ME3: variants seen among roughly 807,000 people sequenced by gnomAD.
ME3 encodes the protein malic enzyme 3, also known as NADP-dependent malic enzyme, mitochondrial.
Under a neutral mutation model 68.9 loss-of-function variants are expected in ME3, and 48 were observed. The ratio of observed to expected loss-of-function variants is 0.70; its 90% CI spans 0.55 to 0.89. The LOEUF (loss-of-function observed/expected upper bound fraction) is 0.89, where lower values mean the gene tolerates loss of function less well. Among genes scored for constraint, ME3 ranks in the 40% least tolerant of loss-of-function variants. The pLI, the probability that ME3 is intolerant of heterozygous loss-of-function variation, is 0.00. For synonymous variants in ME3, 320 were observed against 318.8 expected (o/e 1.00, Z -0.04); for missense variants, 675 against 797.4 (o/e 0.85, Z 1.85).
At chr11:86,548,197 A>C (rs1302717388) in intron 4 of ME3, among the ~76,000 whole-genome samples, 1 of 152,198 alleles carries the variant, frequency 6.6e-6, no homozygotes, top group African/African-American at 2.4e-5. Context: ...TTCAGATGCA[A>C]ATCTCAAAGC....
chr11:86,480,721 C>T (rs1951353681), intron 7 of ME3, among the ~76,000 whole-genome samples: 1 of 152,114 alleles, frequency 6.6e-6, no homozygotes, highest in South Asian at 2.1e-4. Context: ...GCAATTATTC[C>T]CCGCATGAAA....
chr11:86,478,098 G>A (rs1951185045), intron 7 of ME3, among the ~76,000 whole-genome samples: 1 of 151,986 alleles, frequency 6.6e-6, no homozygotes, highest in South Asian at 2.1e-4. Context: ...CTAGCCTGGT[G>A]TGGACTTTTG....
chr11:86,438,829 G>A (rs1948911438), downstream of ME3, among the ~76,000 whole-genome samples: 1 of 152,052 alleles, frequency 6.6e-6, no homozygotes, highest in Non-Finnish European at 1.5e-5. Context: ...CAGAGAAACA[G>A]AACCAATAAG....
chr11:86,636,093 G>C (rs75618949), intron 2 of ME3, among the ~76,000 whole-genome samples: 10,790 of 152,198 alleles, frequency 0.071, 403 homozygotes, highest in Non-Finnish European at 0.088. Flanking sequence ...AAACCTGGGT[G>C]CTATGGAAGC....
intron 2 of ME3, among the ~76,000 whole-genome samples, chr11:86,659,132 C>T (rs1946112526): frequency 1.3e-5 from 2 of 152,212 alleles, no homozygotes; most frequent in Admixed American, 1.3e-4. Flanking sequence ...AGGGTGGCAA[C>T]TGGGAACTCA....
chr11:86,614,002 T>A (rs1942781599), intron 2 of ME3, among the ~76,000 whole-genome samples: 1 of 152,178 alleles, frequency 6.6e-6, no homozygotes, highest in South Asian at 2.1e-4. Context: ...ACAGAGAGCC[T>A]GTATAGTCAA....
At chr11:86,592,704 C>A (rs1435180764) in intron 2 of ME3, among the ~76,000 whole-genome samples, 1 of 152,156 alleles carries the variant, frequency 6.6e-6, no homozygotes. Flanking sequence ...AGCATTTTAC[C>A]CAATTCCCAC....
chr11:86,488,041 A>G (rs995770991), intron 6 of ME3, among the ~76,000 whole-genome samples: 3 of 152,188 alleles, frequency 2.0e-5, no homozygotes, highest in Admixed American at 2.0e-4. Flanking sequence ...TTAGCTGGGC[A>G]TGGTGGTGTA....
At chr11:86,517,341 G>A (rs1364276565) in intron 4 of ME3, among the ~76,000 whole-genome samples, 1 of 152,208 alleles carries the variant, frequency 6.6e-6, no homozygotes, top group Non-Finnish European at 1.5e-5. Flanking sequence ...TGCATCCAGT[G>A]TGAGGGTGAC....
chr11:86,560,760 A>ATATATATATATATATATATATATT (rs1957187792), intron 2 of ME3, among the ~76,000 whole-genome samples: 1 of 138,862 alleles, frequency 7.2e-6, no homozygotes, highest in Non-Finnish European at 1.5e-5. Flanking sequence ...ATATATATAT[A>ATATATATATATATATATATATATT]TATATATATA....
intron 2 of ME3, among the ~76,000 whole-genome samples, chr11:86,661,853 TATTGTATTGTATTG>T (rs1326436883): frequency 1.3e-4 from 9 of 71,436 alleles, no homozygotes; most frequent in African/African-American, 5.1e-4. Flanking sequence ...TATTGTATTG[TATTGTATTGTATTG>T]TATTGTATTG....
intron 2 of ME3, among the ~76,000 whole-genome samples, chr11:86,604,152 T>C (rs637693): frequency 0.89 from 135,807 of 151,796 alleles, 61,194 homozygotes; most frequent in Non-Finnish European, 0.95. Flanking sequence ...GTCTGGGTTG[T>C]GATAAGAAGT....
chr11:86,651,592 G>A (rs113935494), intron 2 of ME3, among the ~76,000 whole-genome samples: 46 of 152,314 alleles, frequency 3.0e-4, no homozygotes, highest in African/African-American at 1.1e-3. Flanking sequence ...AACTCCATCT[G>A]TACATCACCA....
At chr11:86,508,813 A>G (rs2139096265) in exon 5 of ME3, 1 of 1,613,420 alleles carries the variant, frequency 6.2e-7, no homozygotes, top group African/African-American at 1.3e-5. Flanking sequence ...CTTCTGGCCA[A>G]GAATTCAGCA....
chr11:86,621,697 AC>A (rs1442147994), intron 2 of ME3, among the ~76,000 whole-genome samples: 1 of 151,966 alleles, frequency 6.6e-6, no homozygotes, highest in African/African-American at 2.4e-5. Flanking sequence ...AGTTAGTCTA[AC>A]TTCAGCATAA....
intron 5 of ME3, among the ~76,000 whole-genome samples, chr11:86,504,159 A>T (rs1472348912): frequency 1.3e-5 from 2 of 152,008 alleles, no homozygotes; most frequent in Admixed American, 1.3e-4. Flanking sequence ...TTCTGAGTTG[A>T]TTCAGAGGCT....
intron 2 of ME3, among the ~76,000 whole-genome samples, chr11:86,601,383 C>T (rs1960628597): frequency 6.6e-6 from 1 of 152,126 alleles, no homozygotes; most frequent in Admixed American, 6.5e-5. Context: ...GACACATACA[C>T]CCTCCCAAGA....
chr11:86,507,349 C>T (rs1953160310), intron 5 of ME3, among the ~76,000 whole-genome samples: 1 of 152,204 alleles, frequency 6.6e-6, no homozygotes. Context: ...CATATACCTT[C>T]TCTGTATCTG....
downstream of ME3, among the ~76,000 whole-genome samples, chr11:86,437,574 AT>A (rs781614880): frequency 2.0e-5 from 3 of 152,182 alleles, no homozygotes; most frequent in Admixed American, 6.5e-5. Context: ...TTTTGACAAT[AT>A]TGAGTCTTCA....
Sources: allele counts gnomAD v4.1 joint callset (sites outside exome capture counted in the v4.1 genomes callset), GRCh38; gene constraint gnomAD v4.1.1; transcripts MANE v1.5; gene names NCBI Gene and HGNC (gene_info 2026-07-23, HGNC 2026-07-21).